The following SERPIND1 variants were observed in gnomAD, a reference collection of about 807,000 sequenced individuals.
SERPIND1 encodes serpin family D member 1.
In SERPIND1, 34 loss-of-function variants were observed where a neutral mutation model predicts 35.0. The ratio of observed to expected loss-of-function variants is 0.97; its 90% CI spans 0.74 to 1.29. SERPIND1 has a LOEUF of 1.29. SERPIND1 is among the 50% of genes most tolerant of loss of function. The pLI, the probability that SERPIND1 is intolerant of heterozygous loss-of-function variation, is 0.00. For synonymous variants in SERPIND1, 236 were observed against 241.1 expected, an observed-to-expected ratio of 0.98 and a Z score of 0.19; for missense variants, 633 against 637.7, an observed-to-expected ratio of 0.99 and a Z score of 0.08.
Position 20,786,980 on chromosome 22 carries a change from G to T in SERPIND1, c.1414G>T (p.Asp472Tyr), listed in dbSNP as rs765992261. 6.2e-7 allele frequency: 1 copy of T among 1,614,130 alleles called. No individual in the cohort carries two copies. The highest frequency in any genetic ancestry group is 8.5e-7 in the Non-Finnish European group (1 of 1,180,022). Residue 472 changes from aspartate (D) to tyrosine (Y), a missense_variant, in exon 5 of 5, where the codon GAC (aspartate) becomes TAC (tyrosine). Asp to Tyr is a radical substitution (Grantham distance 160). Transcript: ENST00000215727. ...GTCCACCCAAGTCCGCTTCACTGTCGACCGCCCCTTTCTTTTCCTCATCTA... is the reference window on the plus strand; with the variant it reads ...GTCCACCCAAGTCCGCTTCACTGTCTACCGCCCCTTTCTTTTCCTCATCTA... ...PLSTQVRFTV[D>Y]RPFLFLIYEH...
chr22:20,783,200 GCAC>G, intron 2 of SERPIND1, among the ~76,000 whole-genome samples: 1 of 152,132 alleles, frequency 6.6e-6, no homozygotes, highest in East Asian at 1.9e-4. Context: ...TGGATACACA[GCAC>G]TGTCCCCATA....
intron 1 of SERPIND1, 131 bp from the exon 2 acceptor site, chr22:20,779,165 TA>T: frequency 6.5e-7 from 1 of 1,549,054 alleles, no homozygotes. Context: ...TCCATGATCC[TA>T]AAACAGTTAA....
intron 2 of SERPIND1, among the ~76,000 whole-genome samples, chr22:20,782,611 A>G (rs1933883899): frequency 6.6e-6 from 1 of 152,232 alleles, no homozygotes; most frequent in African/African-American, 2.4e-5. Flanking sequence ...GAGACATGGG[A>G]CAGCTCCATC....
chr22:20,780,301 T>C, intron 2 of SERPIND1, 100 bp downstream of exon 2: 2 of 1,566,094 alleles, frequency 1.3e-6, no homozygotes, highest in Non-Finnish European at 1.8e-6. Flanking sequence ...CTATAATTTA[T>C]CCAGGAAAAC....
chr22:20,780,775 C>CAAAAAA lies in SERPIND1; in HGVS notation c.889+585_889+590dup, dbSNP rs538327544. 7.1e-3 allele frequency among the ~76,000 whole-genome samples: 482 copies of CAAAAAA among 67,650 alleles called. 12 individuals are homozygous for CAAAAAA. The highest frequency in any genetic ancestry group is 0.065 in the East Asian group (141 of 2,170). 44.4% of individuals were successfully genotyped at this position (67,650 alleles called of 152,430 possible). A position where few individuals can be genotyped will look rare whatever the true frequency, so the allele number is the denominator to read the frequency against. ...TGGACGACAGAGTGAGACTCCATCT[C>CAAAAAA]AAAAAAAAAAAAAAAAGAAGTAAAA... On this transcript the variant is annotated intron_variant, in intron 2 of 4. Coordinates refer to ENST00000215727, the MANE Select transcript of SERPIND1 (RefSeq NM_000185.4).
intron 4 of SERPIND1, 81 bp from the exon 5 acceptor site, chr22:20,786,794 T>C: frequency 1.5e-6 from 2 of 1,369,344 alleles, no homozygotes; most frequent in Non-Finnish European, 2.1e-6. Context: ...ATCCTTTCCC[T>C]GAATGATATG....
At chr22:20,776,008 T>C (rs1376946751) in intron 1 of SERPIND1, among the ~76,000 whole-genome samples, 2 of 152,176 alleles carry the variant, frequency 1.3e-5, no homozygotes, top group African/African-American at 4.8e-5. Flanking sequence ...CAGTTCTATT[T>C]GCAGCTACAT....
At chr22:20,780,468 A>G (rs1281965585) in intron 2 of SERPIND1, among the ~76,000 whole-genome samples, 2 of 152,102 alleles carry the variant, frequency 1.3e-5, no homozygotes, top group African/African-American at 4.8e-5. Context: ...AGCCACCAAC[A>G]CATGAAGTAA....
Position 20,784,163 on chromosome 22 carries a change from C to T in SERPIND1, c.1081C>T (p.His361Tyr). 1 of 1,614,192 alleles carries T rather than the reference C, an allele frequency of 6.2e-7. No individual in the cohort carries two copies. The highest frequency in any genetic ancestry group is 8.5e-7 in the Non-Finnish European group (1 of 1,180,044). The change falls in exon 3 of 5, where the codon CAC (histidine) becomes TAC (tyrosine). Residue 361 changes from histidine (H) to tyrosine (Y), a missense_variant. Physicochemically the swap from His to Tyr is moderately conservative, Grantham distance 83. Transcript: ENST00000215727. ...CATCAGCATGCTAATTGTGGTCCCA[C>T]ACAAGATGTCTGGGATGAAGACCCT... Reference protein sequence around the residue: ...GGISMLIVVPHKMSGMKTLEA... With the variant: ...GGISMLIVVPYKMSGMKTLEA...
chr22:20,782,142 C>T (rs1309418288), intron 2 of SERPIND1, among the ~76,000 whole-genome samples: 2 of 152,222 alleles, frequency 1.3e-5, no homozygotes, highest in African/African-American at 4.8e-5. Flanking sequence ...CTCCAACCTA[C>T]TGGTCTGTTG....
intron 2 of SERPIND1, among the ~76,000 whole-genome samples, chr22:20,782,872 G>A (rs959788118): frequency 6.6e-6 from 1 of 152,152 alleles, no homozygotes; most frequent in Non-Finnish European, 1.5e-5. Context: ...GAAGGGAATC[G>A]AGCTTCACTC....
At chr22:20,785,852 A>C (rs998021496) in intron 3 of SERPIND1, 152 bp from the exon 4 acceptor site, 22 of 1,101,494 alleles carry the variant, frequency 2.0e-5, no homozygotes, top group Non-Finnish European at 2.9e-5. Context: ...GCTTCCTAAA[A>C]TCCTCAACTG....
At chr22:20,775,835 A>G (rs1200801953) in intron 1 of SERPIND1, among the ~76,000 whole-genome samples, 1 of 152,122 alleles carries the variant, frequency 6.6e-6, no homozygotes. Flanking sequence ...TGATAAGAGG[A>G]GGACACTTGA....
chr22:20,784,381 G>A, intron 3 of SERPIND1, 136 bp downstream of exon 3: 1 of 1,190,338 alleles, frequency 8.4e-7, no homozygotes, highest in South Asian at 1.3e-5. Flanking sequence ...GGGCCACTCT[G>A]TTAATTCAGC....
At chr22:20,782,698 T>G (rs1251344810) in intron 2 of SERPIND1, among the ~76,000 whole-genome samples, 1 of 152,078 alleles carries the variant, frequency 6.6e-6, no homozygotes, top group Non-Finnish European at 1.5e-5. Flanking sequence ...TGTCACAACC[T>G]GGGGGGTTGG....
In SERPIND1 at chr22:20,779,887, A is replaced by C; in HGVS notation, c.575A>C (p.Lys192Thr). Residue 192 changes from lysine to threonine, a missense_variant, in exon 2 of 5, where the codon AAG (lysine) becomes ACG (threonine). Coordinates refer to ENST00000215727, the MANE Select transcript of SERPIND1 (RefSeq NM_000185.4). ...HFKDFVNASS[K>T]YEITTIHNLF... is the part of the protein sequence containing the mutation. ...AAAGACTTTGTTAATGCCAGCAGCA[A>C]GTATGAAATCACGACCATTCATAAT... 6.2e-7 allele frequency: 1 copy of C among 1,614,248 alleles called. No homozygotes were observed. The highest frequency in any genetic ancestry group is 8.5e-7 in the Non-Finnish European group (1 of 1,180,052).
intron 1 of SERPIND1, among the ~76,000 whole-genome samples, chr22:20,774,576 C>T (rs889960521): frequency 2.0e-5 from 3 of 152,096 alleles, no homozygotes; most frequent in African/African-American, 4.8e-5. Flanking sequence ...GCCTGACCAA[C>T]ATGGTGAAGC....
intron 1 of SERPIND1, among the ~76,000 whole-genome samples, chr22:20,777,773 A>G (rs1489157788): frequency 6.6e-6 from 1 of 152,234 alleles, no homozygotes; most frequent in Non-Finnish European, 1.5e-5. Context: ...ATCTAACCAG[A>G]GTGCAGTTAA....
At chr22:20,776,931 A>T (rs765982065) in intron 1 of SERPIND1, among the ~76,000 whole-genome samples, 36 of 152,222 alleles carry the variant, frequency 2.4e-4, no homozygotes, top group Non-Finnish European at 4.1e-4. Flanking sequence ...AAGAGCAGCC[A>T]GTAACTCTTA....
Sources: allele counts gnomAD v4.1 joint callset (sites outside exome capture counted in the v4.1 genomes callset), GRCh38; gene constraint gnomAD v4.1.1; transcripts MANE v1.5; gene names NCBI Gene and HGNC (gene_info 2026-07-23, HGNC 2026-07-21).